MYO3A: variants seen among roughly 807,000 people sequenced by gnomAD.
MYO3A encodes myosin IIIA.
In MYO3A, 180 loss-of-function variants were observed where a neutral mutation model predicts 192.7. The ratio of observed to expected loss-of-function variants is 0.93; its 90% CI spans 0.83 to 1.06. The LOEUF (loss-of-function observed/expected upper bound fraction) is 1.06. Ranked by LOEUF, MYO3A falls within the 50% of genes least tolerant of loss-of-function variation. The pLI, the probability that MYO3A is intolerant of heterozygous loss-of-function variation, is 0.00. For synonymous variants in MYO3A, 628 were observed against 645.3 expected (o/e 0.97, Z 0.41); for missense variants, 1,896 against 1,905.0 (o/e 1.00, Z 0.09).
rs145846308 is a variant in MYO3A at position 26,193,243 on chromosome 10, C to T, written c.4477C>T (p.Pro1493Ser). 4.3e-6 allele frequency: 7 copies of T among 1,613,886 alleles called. No homozygotes were observed. Among genetic ancestry groups the T allele is most frequent in the Middle Eastern group, 3.3e-4 (2 of 6,060 alleles). The change falls in exon 32 of 35, where the codon CCA becomes TCA. Residue 1493 changes from proline (P) to serine (S), a missense_variant. Physicochemically the swap from Pro to Ser is moderately conservative, Grantham distance 74. Transcript: ENST00000642920. ...AGAGGAGCCAAAAATATTGAGACCC[C>T]CAAGACGACCCCGGAAACCCAAAAC... The part of the protein sequence containing the change: ...KGEEPKILRP[P>S]RRPRKPKTLN...
intron 4 of MYO3A, among the ~76,000 whole-genome samples, chr10:25,962,938 C>T (rs1171516759): frequency 6.6e-6 from 1 of 152,186 alleles, no homozygotes; most frequent in Non-Finnish European, 1.5e-5. Context: ...GCTTCTCTCT[C>T]AGGAGCTGTT....
At position 25,934,311 on chromosome 10, in the gene MYO3A, G is replaced by T. The variant is rs913460418; in HGVS notation, c.-122G>T. On this transcript the variant is annotated 5_prime_UTR_variant, in exon 1 of 35. Transcript: ENST00000642920. ...CGCCCCCGTAAAGAAATAAGGAGGC[G>T]CCCGGCTTCCCGCCCAGGTACGTGT... 3 of 152,410 alleles carry T rather than the reference G, an allele frequency of 2.0e-5. No individual in the cohort carries two copies. Among genetic ancestry groups the T allele is most frequent in the African/African-American group, 7.2e-5 (3 of 41,574 alleles). 9.4% of individuals were successfully genotyped at this position (152,410 alleles called of 1,614,324 possible). A position where few individuals can be genotyped will look rare whatever the true frequency, so the allele number is the denominator to read the frequency against.
chr10:25,955,099 A>C lies in MYO3A; in HGVS notation c.303+91A>C, dbSNP rs1294611893. ...ACTATTTATGTAACATTGATATCAT[A>C]AAAACAGTTCTGATAAGTTCCTGAC... On this transcript the variant is annotated intron_variant, in intron 4 of 34. Coordinates refer to ENST00000642920, the MANE Select transcript of MYO3A (RefSeq NM_017433.5). 4 of 1,533,350 alleles carry C rather than the reference A, an allele frequency of 2.6e-6. No homozygotes were observed. In the African/African-American group the frequency reaches 5.5e-5, roughly 21 times the overall value. 95.0% of individuals were successfully genotyped at this position (1,533,350 alleles called of 1,614,324 possible).
rs1201147718 is a variant in MYO3A at position 26,170,568 on chromosome 10, G to C, written c.3398+29G>C. On this transcript the variant is annotated intron_variant, in intron 29 of 34. Coordinates refer to ENST00000642920, the MANE Select transcript of MYO3A (RefSeq NM_017433.5). ...TAATGATGTTCATTCTTATACCGTT[G>C]TAACATATAGATTTTTCAGATCTGT... is the stretch of plus-strand genomic sequence containing the variant. The C allele has an allele frequency of 3.1e-6, 5 of 1,591,774 alleles. No homozygotes were observed. The African/African-American group carries it at 5.4e-5, about 17-fold the overall frequency.
At chr10:25,988,645 G>A (rs1364856774) in intron 4 of MYO3A, among the ~76,000 whole-genome samples, 1 of 152,000 alleles carries the variant, frequency 6.6e-6, no homozygotes, top group Non-Finnish European at 1.5e-5. Context: ...AATGTTCATA[G>A]CAGTTCTACT....
At chr10:25,992,672 G>T (rs1840123496) in intron 4 of MYO3A, among the ~76,000 whole-genome samples, 1 of 152,084 alleles carries the variant, frequency 6.6e-6, no homozygotes. Flanking sequence ...ATTATTTTGA[G>T]ATATGTCCCA....
intron 20 of MYO3A, among the ~76,000 whole-genome samples, chr10:26,132,658 T>G (rs1442644793): frequency 1.5e-5 from 2 of 129,284 alleles, no homozygotes; most frequent in Non-Finnish European, 3.4e-5. Context: ...GACTATTAAC[T>G]GAACTAAAGT....
intron 6 of MYO3A, among the ~76,000 whole-genome samples, chr10:26,007,805 A>G (rs12261988): frequency 0.079 from 11,649 of 147,792 alleles, 855 homozygotes; most frequent in African/African-American, 0.18. Context: ...TGGCCATACT[A>G]CCCAAGGTAA....
chr10:26,129,408 T>A (rs1222062644), intron 20 of MYO3A, among the ~76,000 whole-genome samples: 1 of 152,174 alleles, frequency 6.6e-6, no homozygotes, highest in Non-Finnish European at 1.5e-5. Flanking sequence ...TCATTCCCTC[T>A]CCCTCTCTTC....
chr10:26,053,906 A>C (rs1207849870), intron 10 of MYO3A, among the ~76,000 whole-genome samples: 1 of 152,168 alleles, frequency 6.6e-6, no homozygotes, highest in Non-Finnish European at 1.5e-5. Flanking sequence ...TGGGATTACG[A>C]TGTTGAAAAT....
chr10:26,018,616 C>A (rs1315528108), intron 7 of MYO3A, among the ~76,000 whole-genome samples: 1 of 152,150 alleles, frequency 6.6e-6, no homozygotes, highest in East Asian at 1.9e-4. Context: ...TACATAAAGA[C>A]ATCCTCTGCC....
intron 3 of MYO3A, 99 bp from the exon 4 acceptor site, chr10:25,954,775 T>G: frequency 7.9e-7 from 1 of 1,271,646 alleles, no homozygotes; most frequent in Non-Finnish European, 1.1e-6. Context: ...ATTATGACCT[T>G]GACATAATGA....
chr10:26,146,059 G>A (rs905241140), intron 22 of MYO3A, among the ~76,000 whole-genome samples: 1 of 152,050 alleles, frequency 6.6e-6, no homozygotes, highest in Non-Finnish European at 1.5e-5. Flanking sequence ...CCAGGCTGGA[G>A]GTACAGTCAG....
At chr10:26,185,329 C>CTTTTTTTTTTTT (rs61581382) in intron 31 of MYO3A, among the ~76,000 whole-genome samples, 1 of 63,856 alleles carries the variant, frequency 1.6e-5, no homozygotes, top group Non-Finnish European at 3.0e-5. Context: ...TTCCAGGATT[C>CTTTTTTTTTTTT]TTTTTTTTTT....
rs200120099 is a variant in MYO3A, at chr10:26,176,839, C to T, written c.4432C>T (p.Leu1478Phe). ...TAGACGAGTTTCTTCTCAGCAGTGCCTCTCAGGTAAAAATCAGTAGAGTTA... is the reference window on the plus strand; with the variant it reads ...TAGACGAGTTTCTTCTCAGCAGTGCTTCTCAGGTAAAAATCAGTAGAGTTA... ...INRRVSSQQC[L>F]SGVCKGEEPK... Residue 1478 changes from leucine (L) to phenylalanine (F), a missense_variant, in exon 31 of 35, where the codon CTC (leucine) becomes TTC (phenylalanine). Coordinates refer to ENST00000642920, the MANE Select transcript of MYO3A (RefSeq NM_017433.5). The T allele has an allele frequency of 6.2e-7, 1 of 1,614,116 alleles. No homozygotes were observed. Among genetic ancestry groups the T allele is most frequent in the East Asian group, 2.2e-5 (1 of 44,878 alleles).
chr10:25,966,492 G>A (rs192205708), intron 4 of MYO3A, among the ~76,000 whole-genome samples: 74 of 152,234 alleles, frequency 4.9e-4, no homozygotes, highest in African/African-American at 1.7e-3. Flanking sequence ...TGATAGGATA[G>A]GAAAGAGAAA....
intron 6 of MYO3A, among the ~76,000 whole-genome samples, chr10:26,010,381 T>C (rs981409571): frequency 6.6e-6 from 1 of 151,408 alleles, no homozygotes; most frequent in African/African-American, 2.4e-5. Context: ...CCTTGTTATA[T>C]GCAAAATGTC....
chr10:25,981,606 T>A (rs190018281), intron 4 of MYO3A, among the ~76,000 whole-genome samples: 1 of 151,984 alleles, frequency 6.6e-6, no homozygotes, highest in Admixed American at 6.5e-5. Flanking sequence ...AAATAAGCAG[T>A]GAAAAAATGA....
chr10:26,029,545 C>A (rs1288761886), intron 10 of MYO3A, among the ~76,000 whole-genome samples: 2 of 152,088 alleles, frequency 1.3e-5, no homozygotes, highest in African/African-American at 4.8e-5. Context: ...TCTTATATAC[C>A]AATATTTTTT....
Sources: allele counts gnomAD v4.1 joint callset (sites outside exome capture counted in the v4.1 genomes callset), GRCh38; gene constraint gnomAD v4.1.1; transcripts MANE v1.5; gene names NCBI Gene and HGNC (gene_info 2026-07-23, HGNC 2026-07-21).